Variants in APP observed in about 807,000 individuals in gnomAD.
APP encodes amyloid beta precursor protein, also known as amyloid-beta precursor protein.
In APP, 31 loss-of-function variants were observed where a neutral mutation model predicts 101.4. The observed-to-expected ratio is 0.31, with a 90% confidence interval of 0.23 to 0.41. The LOEUF is 0.41. APP is among the 10% of genes least tolerant of loss of function. The pLI, the probability that APP is intolerant of heterozygous loss-of-function variation, is 1.00. For synonymous variants in APP, 366 were observed against 364.4 expected (o/e 1.00, Z -0.05); for missense variants, 839 against 1,003.7 (o/e 0.84, Z 2.22).
chr21:25,894,217 G>A (rs2037881105), intron 16 of APP, among the ~76,000 whole-genome samples: 1 of 152,132 alleles, frequency 6.6e-6, no homozygotes, highest in South Asian at 2.1e-4. Context: ...ACAGGTACAG[G>A]GAGATTACTG....
intron 8 of APP, among the ~76,000 whole-genome samples, chr21:25,986,055 C>A (rs988184972): frequency 6.6e-6 from 1 of 152,106 alleles, no homozygotes; most frequent in Non-Finnish European, 1.5e-5. Flanking sequence ...TCGTGAATAT[C>A]CTTATATCCT....
Position 25,982,420 on chromosome 21 carries a change from C to T in APP, c.1148G>A (p.Gly383Glu). ...GAAATGGGCATGTTCATTCTCATCC[C>T]CAGGTGTCTCGAGATACTTGTCAAC... ...DAVDKYLETP[G>E]DENEHAHFQK... The change falls in exon 9 of 18, where the codon GGG becomes GAG. Residue 383 changes from glycine (G) to glutamate (E), a missense_variant. Coordinates refer to ENST00000346798, the MANE Select transcript of APP (RefSeq NM_000484.4). 6.2e-7 allele frequency: 1 copy of T among 1,613,622 alleles called. No homozygotes were observed. The highest frequency in any genetic ancestry group is 8.5e-7 in the Non-Finnish European group (1 of 1,179,824).
chr21:25,917,821 C>A (rs2039426402), intron 13 of APP, among the ~76,000 whole-genome samples: 1 of 151,180 alleles, frequency 6.6e-6, no homozygotes, highest in African/African-American at 2.4e-5. Context: ...AACAAATTTA[C>A]CAGAAAAAAA....
Position 26,065,390 on chromosome 21 carries a change from A to T in APP, c.356-12042T>A, listed in dbSNP as rs372801538. 1.2e-4 allele frequency among the ~76,000 whole-genome samples: 18 copies of T among 152,368 alleles called. No individual in the cohort carries two copies. In the East Asian group the frequency reaches 1.5e-3, roughly 13 times the overall value. On this transcript the variant is annotated intron_variant, in intron 3 of 17. Coordinates refer to ENST00000346798, the MANE Select transcript of APP (RefSeq NM_000484.4). ...CCAACTCAGGCATCTCATCTGTGGT[A>T]TCTATTAATAACTAGACAGCGCTTG...
chr21:26,092,024 GTAAC>G (rs2061836947), intron 2 of APP, among the ~76,000 whole-genome samples: 1 of 152,174 alleles, frequency 6.6e-6, no homozygotes, highest in Non-Finnish European at 1.5e-5. Flanking sequence ...TTGAATAAAA[GTAAC>G]TGAATCAGGC....
At chr21:26,039,570 C>T (rs2045280968) in intron 5 of APP, among the ~76,000 whole-genome samples, 1 of 152,200 alleles carries the variant, frequency 6.6e-6, no homozygotes, top group African/African-American at 2.4e-5. Flanking sequence ...CAGAATTACA[C>T]ATTCCTAAAA....
intron 13 of APP, among the ~76,000 whole-genome samples, chr21:25,954,326 A>G (rs886738211): frequency 6.6e-6 from 1 of 152,238 alleles, no homozygotes; most frequent in Non-Finnish European, 1.5e-5. Flanking sequence ...AAATGCTGCC[A>G]CGTATAATTC....
intron 5 of APP, among the ~76,000 whole-genome samples, chr21:26,047,089 C>T (rs1011681001): frequency 1.3e-5 from 2 of 152,106 alleles, no homozygotes; most frequent in African/African-American, 4.8e-5. Flanking sequence ...GTAATTTACA[C>T]ATAAATTTCT....
chr21:26,072,330 T>C (rs1021345821), intron 3 of APP, among the ~76,000 whole-genome samples: 3 of 152,242 alleles, frequency 2.0e-5, no homozygotes, highest in Admixed American at 2.0e-4. Flanking sequence ...AGGACAGTTT[T>C]GTAGGTTTCC....
chr21:26,045,385 T>A (rs1271035900), intron 5 of APP, among the ~76,000 whole-genome samples: 1 of 152,214 alleles, frequency 6.6e-6, no homozygotes, highest in East Asian at 1.9e-4. Context: ...TGGCAGGTGA[T>A]TAGCAGCTAG....
intron 11 of APP, among the ~76,000 whole-genome samples, chr21:25,969,234 G>C (rs2041913349): frequency 6.7e-6 from 1 of 149,572 alleles, no homozygotes; most frequent in African/African-American, 2.5e-5. Flanking sequence ...TGTAGTCCCA[G>C]CTACTTGAGA....
At chr21:25,977,071 T>C (rs2042251014) in intron 9 of APP, among the ~76,000 whole-genome samples, 1 of 152,238 alleles carries the variant, frequency 6.6e-6, no homozygotes, top group Admixed American at 6.5e-5. Flanking sequence ...GGGTATTCTA[T>C]TATAGCAACA....
chr21:26,110,993 T>A (rs1022396457), intron 2 of APP, among the ~76,000 whole-genome samples: 6 of 150,346 alleles, frequency 4.0e-5, no homozygotes, highest in African/African-American at 1.5e-4. Flanking sequence ...AGGAGCACCC[T>A]GTATAGTAAC....
At chr21:26,106,524 T>C (rs1326722075) in intron 2 of APP, among the ~76,000 whole-genome samples, 1 of 152,186 alleles carries the variant, frequency 6.6e-6, no homozygotes, top group African/African-American at 2.4e-5. Context: ...CCTTTCTGCC[T>C]AGTTCTTACA....
At chr21:25,890,613 C>T (rs576798898) in intron 17 of APP, among the ~76,000 whole-genome samples, 1 of 151,308 alleles carries the variant, frequency 6.6e-6, no homozygotes, top group Admixed American at 6.6e-5. Flanking sequence ...GTGGCGTGTG[C>T]CCATAGTCCC....
At chr21:26,023,791 G>A (rs1398189240) in intron 5 of APP, among the ~76,000 whole-genome samples, 1 of 152,196 alleles carries the variant, frequency 6.6e-6, no homozygotes, top group East Asian at 1.9e-4. Flanking sequence ...GGCCTTGGTG[G>A]GGCCTGAGAA....
intron 13 of APP, among the ~76,000 whole-genome samples, chr21:25,930,761 C>T (rs2040113017): frequency 6.6e-6 from 1 of 152,196 alleles, no homozygotes; most frequent in Non-Finnish European, 1.5e-5. Flanking sequence ...TTTTCTTTAA[C>T]ACAAAACTTG....
rs111723853 is a variant in APP at position 25,930,116 on chromosome 21, G to T, written c.1688-18154C>A. On this transcript the variant is annotated intron_variant, in intron 13 of 17. Coordinates refer to ENST00000346798, the MANE Select transcript of APP (RefSeq NM_000484.4). ...GACAAGGGAGGGAGGAGAATGGGCC[G>T]TAGCAAGACTTGCCCACAGCATTGC... 4.1e-3 allele frequency among the ~76,000 whole-genome samples: 629 copies of T among 152,260 alleles called. 6 individuals are homozygous for T. Among genetic ancestry groups the T allele is most frequent in the African/African-American group, 0.014 (594 of 41,534 alleles).
intron 14 of APP, among the ~76,000 whole-genome samples, chr21:25,910,125 T>G (rs2038993061): frequency 6.6e-6 from 1 of 151,948 alleles, no homozygotes; most frequent in African/African-American, 2.4e-5. Context: ...ATTTTTTACT[T>G]TATTTATTTA....
Sources: gnomAD v4.1 joint callset for allele counts (sites outside exome capture counted in the v4.1 genomes callset) on GRCh38, gnomAD v4.1.1 for gene constraint, MANE v1.5 for transcripts, NCBI Gene and HGNC (gene_info 2026-07-23, HGNC 2026-07-21) for gene names.